PAX5: variants seen among roughly 807,000 people sequenced by gnomAD.
PAX5 encodes the protein paired box 5, also known as paired box protein Pax-5.
A neutral mutation model predicts 43.7 loss-of-function variants in PAX5; 9 were observed. That is an observed-to-expected ratio of 0.21 (90% CI 0.12 to 0.36). The LOEUF (loss-of-function observed/expected upper bound fraction) is 0.36. PAX5 is among the 10% of genes least tolerant of loss of function. The pLI is 1.00. For synonymous variants in PAX5, 228 were observed against 214.3 expected, an observed-to-expected ratio of 1.06 and a Z score of -0.56; for missense variants, 383 against 532.7, an observed-to-expected ratio of 0.72 and a Z score of 2.77.
intron 8 of PAX5, among the ~76,000 whole-genome samples, chr9:36,864,779 C>T (rs2131671395): frequency 6.6e-6 from 1 of 152,358 alleles, no homozygotes; most frequent in South Asian, 2.1e-4. Flanking sequence ...AGCTGTCAGT[C>T]TAGAGGTGCC....
intron 6 of PAX5, among the ~76,000 whole-genome samples, chr9:36,960,668 GA>G (rs1564012261): frequency 6.6e-6 from 1 of 152,158 alleles, no homozygotes; most frequent in African/African-American, 2.4e-5. Context: ...CGGGCTCTGG[GA>G]CACACTGCCC....
intron 5 of PAX5, among the ~76,000 whole-genome samples, chr9:36,967,320 A>G (rs570883601): frequency 9.8e-5 from 15 of 152,380 alleles, no homozygotes; most frequent in Non-Finnish European, 1.3e-4. Flanking sequence ...CCACAAATGC[A>G]CATTCCCTTT....
At chr9:36,912,830 C>G (rs961063344) in intron 7 of PAX5, among the ~76,000 whole-genome samples, 3 of 152,226 alleles carry the variant, frequency 2.0e-5, no homozygotes, top group African/African-American at 7.2e-5. Flanking sequence ...GCTCTTAATC[C>G]CCCTCCTCCC....
At chr9:36,997,685 C>G (rs1837502746) in intron 5 of PAX5, among the ~76,000 whole-genome samples, 1 of 152,240 alleles carries the variant, frequency 6.6e-6, no homozygotes, top group Non-Finnish European at 1.5e-5. Context: ...CAGTTCAAAC[C>G]AACCAAGAGA....
At chr9:36,978,950 T>C (rs1835683434) in intron 5 of PAX5, among the ~76,000 whole-genome samples, 1 of 152,150 alleles carries the variant, frequency 6.6e-6, no homozygotes, top group Non-Finnish European at 1.5e-5. Flanking sequence ...CTCTATTGAT[T>C]GACCAATTTC....
intron 6 of PAX5, among the ~76,000 whole-genome samples, chr9:36,963,557 C>G (rs1000963731): frequency 4.6e-5 from 7 of 152,244 alleles, no homozygotes; most frequent in African/African-American, 1.7e-4. Context: ...GCACTTGGCA[C>G]TGTGCCTGGC....
chr9:36,904,951 G>T (rs925521234), intron 7 of PAX5, among the ~76,000 whole-genome samples: 1 of 152,176 alleles, frequency 6.6e-6, no homozygotes, highest in African/African-American at 2.4e-5. Flanking sequence ...AGAAAGTTAG[G>T]CTGGACACAA....
intron 8 of PAX5, among the ~76,000 whole-genome samples, chr9:36,847,377 C>G (rs573389767): frequency 6.6e-6 from 1 of 152,196 alleles, no homozygotes; most frequent in African/African-American, 2.4e-5. Context: ...AGTTCTACCC[C>G]CCACCTGCTG....
At chr9:37,029,365 T>G (rs1056730061) in intron 1 of PAX5, among the ~76,000 whole-genome samples, 1 of 152,206 alleles carries the variant, frequency 6.6e-6, no homozygotes, top group African/African-American at 2.4e-5. Flanking sequence ...TAGACAAGTT[T>G]CCGGCGCTGA....
chr9:36,958,643 C>G (rs991126388), intron 6 of PAX5, among the ~76,000 whole-genome samples: 2 of 152,166 alleles, frequency 1.3e-5, no homozygotes, highest in African/African-American at 2.4e-5. Context: ...GGTCCCCTAG[C>G]TCTCCGAGTC....
chr9:37,018,846 C>T (rs1200233157), intron 2 of PAX5, among the ~76,000 whole-genome samples: 2 of 152,186 alleles, frequency 1.3e-5, no homozygotes, highest in Non-Finnish European at 2.9e-5. Context: ...GGAAGCATCC[C>T]TGTCCCCCTC....
intron 4 of PAX5, among the ~76,000 whole-genome samples, chr9:37,004,801 T>C (rs1307869699): frequency 1.3e-5 from 2 of 152,252 alleles, no homozygotes; most frequent in Non-Finnish European, 2.9e-5. Flanking sequence ...ATGACATTCG[T>C]TTTGGTGTTT....
Position 36,834,340 on chromosome 9 carries a change from G to T in PAX5, c.*6220C>A, listed in dbSNP as rs1193783939. On this transcript the variant is annotated 3_prime_UTR_variant, in exon 10 of 10. Coordinates refer to ENST00000358127, the MANE Select transcript of PAX5 (RefSeq NM_016734.3). ...CCTTCTCTGACCCAAGTCGAAGACAGCAGGCAAGAATTGGCATGGGGAGAC... is the reference window on the plus strand; with the variant it reads ...CCTTCTCTGACCCAAGTCGAAGACATCAGGCAAGAATTGGCATGGGGAGAC... The T allele has an allele frequency of 1.7e-5, 4 of 233,218 alleles. No homozygotes were observed. The highest frequency in any genetic ancestry group is 3.4e-5 in the Non-Finnish European group (4 of 118,126). The allele number at this position is 233,218 out of a possible 1,614,324, so 14.4% of individuals were successfully genotyped here.
At chr9:36,950,930 C>G (rs933017994) in intron 6 of PAX5, among the ~76,000 whole-genome samples, 2 of 151,938 alleles carry the variant, frequency 1.3e-5, no homozygotes, top group African/African-American at 4.8e-5. Context: ...TTAGTAGAGA[C>G]GGGGTTTCAC....
intron 6 of PAX5, among the ~76,000 whole-genome samples, chr9:36,965,853 G>A (rs1485335777): frequency 2.6e-5 from 4 of 152,182 alleles, no homozygotes; most frequent in Non-Finnish European, 5.9e-5. Context: ...GAATCTGATA[G>A]TCCAGAGATC....
At chr9:36,842,319 A>C (rs1361242045) in intron 9 of PAX5, among the ~76,000 whole-genome samples, 1 of 152,114 alleles carries the variant, frequency 6.6e-6, no homozygotes, top group East Asian at 1.9e-4. Flanking sequence ...GTGTGTGTGC[A>C]TGAGAGGGGC....
intron 8 of PAX5, among the ~76,000 whole-genome samples, chr9:36,849,058 G>A (rs1437604629): frequency 2.0e-5 from 3 of 152,062 alleles, no homozygotes; most frequent in Admixed American, 6.5e-5. Flanking sequence ...CTCCTCTTCC[G>A]ATCCCAGTCT....
At position 36,915,889 on chromosome 9, in the gene PAX5, T is replaced by A. The variant is rs181746811; in HGVS notation, c.910+7466A>T. On this transcript the variant is annotated intron_variant, in intron 7 of 9. Transcript: ENST00000358127. ...GAGTTCAAAACCAGCCTGGGCAACA[T>A]AGGGAGACCCTGTCTCTACAAAAAT... Among the ~76,000 whole-genome samples the A allele has an allele frequency of 2.7e-3, 404 of 152,010 alleles. 2 individuals carry two copies. Among genetic ancestry groups the A allele is most frequent in the African/African-American group, 9.2e-3 (383 of 41,482 alleles).
chr9:36,937,749 G>T (rs1831684701), intron 6 of PAX5, among the ~76,000 whole-genome samples: 1 of 152,180 alleles, frequency 6.6e-6, no homozygotes, highest in African/African-American at 2.4e-5. Context: ...TTCCAGATAG[G>T]TTTAGCCGCA....
Sources: gnomAD v4.1 joint callset for allele counts (sites outside exome capture counted in the v4.1 genomes callset) on GRCh38, gnomAD v4.1.1 for gene constraint, MANE v1.5 for transcripts, NCBI Gene and HGNC (gene_info 2026-07-23, HGNC 2026-07-21) for gene names.